Variants in SGCD observed in about 807,000 individuals in gnomAD.
The protein encoded by SGCD is sarcoglycan delta.
SGCD carries 18 observed loss-of-function variants against 36.6 expected under a neutral mutation model. The ratio of observed to expected loss-of-function variants is 0.49; its 90% CI spans 0.34 to 0.73. The LOEUF (loss-of-function observed/expected upper bound fraction) is 0.73. SGCD is among the 30% of genes least tolerant of loss of function. The pLI, the probability that SGCD is intolerant of heterozygous loss-of-function variation, is 0.01. For synonymous variants in SGCD, 133 were observed against 130.6 expected (o/e 1.02, Z -0.12); for missense variants, 387 against 346.7 (o/e 1.12, Z -0.92).
intron 3 of SGCD, among the ~76,000 whole-genome samples, chr5:156,319,201 A>G (rs1767597008): frequency 6.6e-6 from 1 of 152,154 alleles, no homozygotes; most frequent in African/African-American, 2.4e-5. Flanking sequence ...TAATTATGAG[A>G]GATGAGGCTC....
chr5:156,404,416 T>A (rs1772307995), intron 3 of SGCD, among the ~76,000 whole-genome samples: 1 of 152,232 alleles, frequency 6.6e-6, no homozygotes, highest in Non-Finnish European at 1.5e-5. Flanking sequence ...CACCTCCTGC[T>A]GCAAATGTCT....
At chr5:155,884,144 C>T (rs1051577227) in intron 1 of SGCD, among the ~76,000 whole-genome samples, 11 of 152,222 alleles carry the variant, frequency 7.2e-5, no homozygotes, top group African/African-American at 1.9e-4. Flanking sequence ...TGCTGTGACC[C>T]GGGTGACACC....
At chr5:156,407,067 A>G (rs1177612340) in intron 3 of SGCD, among the ~76,000 whole-genome samples, 2 of 151,830 alleles carry the variant, frequency 1.3e-5, no homozygotes, top group African/African-American at 4.8e-5. Flanking sequence ...TGCCTGCTTT[A>G]TATTCACTGG....
chr5:156,756,054 G>T (rs149532874), intron 7 of SGCD, among the ~76,000 whole-genome samples: 3 of 152,160 alleles, frequency 2.0e-5, no homozygotes, highest in African/African-American at 7.2e-5. Flanking sequence ...ACAGAACAAA[G>T]AATCAATAGT....
chr5:156,095,594 G>A (rs1761355681), intron 1 of SGCD, among the ~76,000 whole-genome samples: 1 of 152,286 alleles, frequency 6.6e-6, no homozygotes, highest in African/African-American at 2.4e-5. Flanking sequence ...TTTAGACAGG[G>A]TTACCCATTC....
At chr5:156,543,717 T>C (rs189865109) in intron 4 of SGCD, among the ~76,000 whole-genome samples, 1 of 152,332 alleles carries the variant, frequency 6.6e-6, no homozygotes, top group East Asian at 1.9e-4. Flanking sequence ...TATCTTCACC[T>C]CTTCATCCAA....
chr5:156,184,171 C>T (rs1179715937), intron 3 of SGCD, among the ~76,000 whole-genome samples: 5 of 152,222 alleles, frequency 3.3e-5, no homozygotes, highest in African/African-American at 4.8e-5. Flanking sequence ...GAATACTATA[C>T]TGAAAGTGAA....
rs1208953973 is a variant in SGCD, at chr5:156,691,225, A to AAAAAAAAG, written c.575+43690_575+43691insAAAAAAGA. On this transcript the variant is annotated intron_variant, in intron 7 of 8. Coordinates refer to ENST00000337851, the MANE Select transcript of SGCD (RefSeq NM_000337.6). Reference sequence around the variant, plus strand: ...CTGTCTCAAAAAAAAAAAAAAAAAAAAGAGAGAGACCCAAACTTCCATTAT... The same window carrying AAAAAAAAG: ...CTGTCTCAAAAAAAAAAAAAAAAAAAAAAAAAAGAGAGAGAGACCCAAACTTCCATTAT... 1.8e-3 allele frequency among the ~76,000 whole-genome samples: 267 copies of AAAAAAAAG among 150,176 alleles called. 1 individual carries two copies. Among genetic ancestry groups the AAAAAAAAG allele is most frequent in the South Asian group, 6.0e-3 (28 of 4,688 alleles).
Position 156,041,306 on chromosome 5 carries a change from T to C in SGCD, c.-281-76572T>C, listed in dbSNP as rs192563167. ...GCCCCAGAATGGGTTGATTGCCTTG[T>C]ACTTCGGTCCAGTTCCTTCCTTACT... On this transcript the variant is annotated intron_variant, in intron 1 of 9. Coordinates refer to the SGCD transcript ENST00000517913. Among the ~76,000 whole-genome samples the C allele has an allele frequency of 8.1e-4, 124 of 152,350 alleles. 1 individual carries two copies. The highest frequency in any genetic ancestry group is 5.6e-4 in the Non-Finnish European group (38 of 68,036).
At chr5:156,605,707 CTTG>C (rs1425697063) in intron 6 of SGCD, among the ~76,000 whole-genome samples, 2 of 152,200 alleles carry the variant, frequency 1.3e-5, no homozygotes, top group East Asian at 1.9e-4. Context: ...CTCTCCAGCA[CTTG>C]TTGTTTCCTG....
the SGCD span, among the ~76,000 whole-genome samples, chr5:155,855,505 ACTAAG>A: frequency 6.6e-6 from 1 of 152,142 alleles, no homozygotes; most frequent in Non-Finnish European, 1.5e-5. Flanking sequence ...AGGAATCCAA[ACTAAG>A]CTGGTTATTT....
At chr5:156,238,824 T>C (rs758189003) in intron 3 of SGCD, among the ~76,000 whole-genome samples, 4 of 152,132 alleles carry the variant, frequency 2.6e-5, no homozygotes, top group Non-Finnish European at 4.4e-5. Context: ...TTCTGTAGCC[T>C]ATTTTAGAGT....
chr5:156,230,221 G>A (rs113034197), intron 3 of SGCD, among the ~76,000 whole-genome samples: 3 of 152,234 alleles, frequency 2.0e-5, no homozygotes, highest in African/African-American at 7.2e-5. Flanking sequence ...TTGCTGGTGA[G>A]CTAGTGGTGA....
chr5:156,255,278 A>C (rs1234335954), intron 3 of SGCD, among the ~76,000 whole-genome samples: 1 of 152,136 alleles, frequency 6.6e-6, no homozygotes, highest in Admixed American at 6.5e-5. Context: ...TATAAACCCA[A>C]TTTTATCATG....
chr5:156,228,885 G>C (rs552336070), intron 3 of SGCD, among the ~76,000 whole-genome samples: 406 of 146,164 alleles, frequency 2.8e-3, no homozygotes, highest in African/African-American at 0.011. Flanking sequence ...ACTGAAGGAC[G>C]CAAAGTATCA....
At chr5:155,733,527 G>A in the SGCD span, among the ~76,000 whole-genome samples, 1 of 152,062 alleles carries the variant, frequency 6.6e-6, no homozygotes, top group African/African-American at 2.4e-5. Context: ...GCTTTGATAA[G>A]CAACTCTCTG....
the SGCD span, among the ~76,000 whole-genome samples, chr5:155,736,937 A>C: frequency 2.0e-5 from 3 of 152,208 alleles, no homozygotes; most frequent in Non-Finnish European, 4.4e-5. Context: ...CTGGAAAGCA[A>C]TGTAGAAGGG....
At chr5:156,714,209 G>A (rs1005534325) in intron 7 of SGCD, among the ~76,000 whole-genome samples, 1 of 152,208 alleles carries the variant, frequency 6.6e-6, no homozygotes, top group Non-Finnish European at 1.5e-5. Context: ...ACTCCCAGCT[G>A]AGGTGGAACC....
chr5:156,218,966 C>T (rs897092814), intron 3 of SGCD, among the ~76,000 whole-genome samples: 1 of 152,146 alleles, frequency 6.6e-6, no homozygotes, highest in Non-Finnish European at 1.5e-5. Context: ...TTTTTTTACT[C>T]ACTCGCTGTC....
Sources: gnomAD v4.1 joint callset for allele counts (sites outside exome capture counted in the v4.1 genomes callset) on GRCh38, gnomAD v4.1.1 for gene constraint, MANE v1.5 for transcripts, NCBI Gene and HGNC (gene_info 2026-07-23, HGNC 2026-07-21) for gene names.